Variants in TNFSF4 observed in about 807,000 individuals in gnomAD.
TNFSF4 encodes TNF superfamily member 4, also known as tumor necrosis factor ligand superfamily member 4.
In TNFSF4, 4 loss-of-function variants were observed where a neutral mutation model predicts 7.3. That is an observed-to-expected ratio of 0.55 (90% confidence interval 0.27 to 1.25). The LOEUF (loss-of-function observed/expected upper bound fraction) is 1.25. TNFSF4 is among the 50% of genes most tolerant of loss of function. The pLI is 0.12. For synonymous variants in TNFSF4, 76 were observed against 83.7 expected, an observed-to-expected ratio of 0.91 and a Z score of 0.50; for missense variants, 181 against 208.8, an observed-to-expected ratio of 0.87 and a Z score of 0.82.
the TNFSF4 span, among the ~76,000 whole-genome samples, chr1:173,443,654 G>C: frequency 9.9e-5 from 15 of 152,052 alleles, no homozygotes; most frequent in Non-Finnish European, 1.8e-4. Flanking sequence ...TCTCTCCCCC[G>C]TAAAGTCACC....
the TNFSF4 span, among the ~76,000 whole-genome samples, chr1:173,426,166 G>C: frequency 3.3e-5 from 5 of 152,322 alleles, no homozygotes; most frequent in South Asian, 1.0e-3. Context: ...CTGCGAGTCA[G>C]TCTTCCCTGT....
chr1:173,237,925 A>T, the TNFSF4 span, among the ~76,000 whole-genome samples: 18 of 152,332 alleles, frequency 1.2e-4, 1 homozygote, highest in East Asian at 3.3e-3. Flanking sequence ...TTCATATGGA[A>T]CCAAAAATGA....
chr1:173,300,168 C>A, the TNFSF4 span, among the ~76,000 whole-genome samples: 1 of 140,482 alleles, frequency 7.1e-6, no homozygotes, highest in Non-Finnish European at 1.5e-5. Context: ...TAGATACATA[C>A]ATACATACAT....
the TNFSF4 span, among the ~76,000 whole-genome samples, chr1:173,379,488 T>C: frequency 3.3e-5 from 5 of 152,168 alleles, no homozygotes; most frequent in African/African-American, 9.7e-5. Flanking sequence ...TAAGAAAATA[T>C]ACTCCCCTGT....
the TNFSF4 span, among the ~76,000 whole-genome samples, chr1:173,296,394 G>A: frequency 6.6e-6 from 1 of 152,002 alleles, no homozygotes; most frequent in Non-Finnish European, 1.5e-5. Flanking sequence ...AAAAAAGTGT[G>A]AGGATGAGTC....
chr1:173,378,882 C>G, the TNFSF4 span, among the ~76,000 whole-genome samples: 15 of 91,880 alleles, frequency 1.6e-4, no homozygotes, highest in Non-Finnish European at 2.2e-4. Flanking sequence ...CCCCCTCCCC[C>G]CCCACCACAG....
the TNFSF4 span, among the ~76,000 whole-genome samples, chr1:173,396,892 G>A: frequency 6.6e-6 from 1 of 152,188 alleles, no homozygotes; most frequent in Admixed American, 6.5e-5. Flanking sequence ...GAAAAGCCTT[G>A]TGATTGCTCT....
chr1:173,233,616 T>G, the TNFSF4 span, among the ~76,000 whole-genome samples: 1 of 152,208 alleles, frequency 6.6e-6, no homozygotes, highest in Non-Finnish European at 1.5e-5. Flanking sequence ...AAATGATGCA[T>G]TCAATTGTAA....
At chr1:173,255,594 A>G in the TNFSF4 span, among the ~76,000 whole-genome samples, 1 of 152,316 alleles carries the variant, frequency 6.6e-6, no homozygotes, top group East Asian at 1.9e-4. Flanking sequence ...AAAAGAGGGT[A>G]TGATCTGCAT....
the TNFSF4 span, among the ~76,000 whole-genome samples, chr1:173,261,880 A>T: frequency 6.6e-6 from 1 of 152,176 alleles, no homozygotes; most frequent in Non-Finnish European, 1.5e-5. Flanking sequence ...AGACAGATTT[A>T]CAGCTGAATT....
chr1:173,207,008 C>A lies in TNFSF4; in HGVS notation c.153+16G>T, dbSNP rs1211771170. On this transcript the variant is annotated intron_variant, in intron 1 of 2. Coordinates refer to ENST00000281834, the MANE Select transcript of TNFSF4 (RefSeq NM_003326.5). The stretch of plus-strand genomic sequence containing the variant: ...CATGAGCTGGTGGGAAAACAGCGCC[C>A]AGTGGTGCATCTTACCTGAAGAGCA... The A allele has an allele frequency of 6.3e-7, 1 of 1,586,266 alleles. No homozygotes were observed. The highest frequency in any genetic ancestry group is 8.6e-7 in the Non-Finnish European group (1 of 1,160,918).
the TNFSF4 span, among the ~76,000 whole-genome samples, chr1:173,369,496 A>G: frequency 6.6e-6 from 1 of 152,180 alleles, no homozygotes; most frequent in South Asian, 2.1e-4. Flanking sequence ...AGTGAGCGCA[A>G]CTATTCTGAA....
intron 1 of TNFSF4, among the ~76,000 whole-genome samples, chr1:173,192,694 T>TA (rs1649537157): frequency 6.6e-6 from 1 of 152,128 alleles, no homozygotes; most frequent in African/African-American, 2.4e-5. Flanking sequence ...ACCCCAACAT[T>TA]AAAAAACACT....
the TNFSF4 span, among the ~76,000 whole-genome samples, chr1:173,398,485 C>T: frequency 5.0e-5 from 7 of 140,202 alleles, no homozygotes; most frequent in African/African-American, 1.6e-4. Context: ...AGTACAGTGG[C>T]GTGATCTCGG....
the TNFSF4 span, among the ~76,000 whole-genome samples, chr1:173,228,290 C>G: frequency 2.0e-5 from 3 of 152,218 alleles, no homozygotes; most frequent in South Asian, 2.1e-4. Context: ...TGTTCTGCAG[C>G]CTCTGCTGGT....
chr1:173,286,675 C>T, the TNFSF4 span, among the ~76,000 whole-genome samples: 1 of 152,040 alleles, frequency 6.6e-6, no homozygotes, highest in Non-Finnish European at 1.5e-5. Context: ...TCTTTCTGAA[C>T]TTGGGAAAGA....
the TNFSF4 span, among the ~76,000 whole-genome samples, chr1:173,426,596 A>T: frequency 6.6e-6 from 1 of 151,918 alleles, no homozygotes; most frequent in Non-Finnish European, 1.5e-5. Flanking sequence ...TTCATTTTTT[A>T]AATTTTTATT....
chr1:173,254,917 G>A, the TNFSF4 span, among the ~76,000 whole-genome samples: 1 of 152,182 alleles, frequency 6.6e-6, no homozygotes, highest in African/African-American at 2.4e-5. Flanking sequence ...TAGGTTTGAA[G>A]AACAAATCTT....
At chr1:173,363,515 T>C in the TNFSF4 span, 1 of 454,796 alleles carries the variant, frequency 2.2e-6, no homozygotes, top group South Asian at 1.9e-5. Context: ...CATCAAATCT[T>C]ACCTTTAAGA....
Sources: allele counts gnomAD v4.1 joint callset (sites outside exome capture counted in the v4.1 genomes callset), GRCh38; gene constraint gnomAD v4.1.1; transcripts MANE v1.5; gene names NCBI Gene and HGNC (gene_info 2026-07-23, HGNC 2026-07-21).